The following NEGR1 variants were observed in gnomAD, a reference collection of about 807,000 sequenced individuals.
NEGR1 encodes the protein IgLON family member 4.
Under a neutral mutation model 40.9 loss-of-function variants are expected in NEGR1, and 10 were observed. That is an observed-to-expected ratio of 0.24 (90% CI 0.15 to 0.42). The LOEUF is 0.42. NEGR1 is among the 10% of genes least tolerant of loss of function. NEGR1 has a pLI of 1.00. For synonymous variants in NEGR1, 185 were observed against 166.8 expected, an observed-to-expected ratio of 1.11 and a Z score of -0.84; for missense variants, 352 against 438.9, an observed-to-expected ratio of 0.80 and a Z score of 1.77.
intron 2 of NEGR1, among the ~76,000 whole-genome samples, chr1:71,862,881 A>T (rs745550536): frequency 2.0e-5 from 3 of 152,196 alleles, no homozygotes; most frequent in Non-Finnish European, 4.4e-5. Flanking sequence ...AAAAATGCAT[A>T]TCAAAACCAC....
chr1:72,058,795 C>G (rs965492360), intron 1 of NEGR1, among the ~76,000 whole-genome samples: 3 of 151,622 alleles, frequency 2.0e-5, no homozygotes, highest in African/African-American at 7.3e-5. Context: ...CCTAATTCCT[C>G]CCCTTGAAAT....
intron 1 of NEGR1, among the ~76,000 whole-genome samples, chr1:72,236,582 T>C (rs1654555057): frequency 6.6e-6 from 1 of 152,038 alleles, no homozygotes; most frequent in African/African-American, 2.4e-5. Flanking sequence ...TGTAAATTAT[T>C]ATTTTTATCA....
chr1:71,450,554 C>T (rs1646619543), intron 6 of NEGR1, among the ~76,000 whole-genome samples: 2 of 151,922 alleles, frequency 1.3e-5, no homozygotes, highest in African/African-American at 4.8e-5. Flanking sequence ...TGCCTGTAAT[C>T]CCAGCACTTT....
At position 71,772,276 on chromosome 1, in the gene NEGR1, C is replaced by T. The variant is rs60385351; in HGVS notation, c.535+3896G>A. ...AAAATTAGCTGGGTGTGGTGGCGCA[C>T]GCTTGCGATCCCAGCTAGTTGGGAG... On this transcript the variant is annotated intron_variant, in intron 3 of 6. Coordinates refer to ENST00000357731, the MANE Select transcript of NEGR1 (RefSeq NM_173808.3). Among the ~76,000 whole-genome samples, 527 of 152,084 alleles carry T rather than the reference C, an allele frequency of 3.5e-3. 3 individuals carry two copies. Among genetic ancestry groups the T allele is most frequent in the African/African-American group, 0.012 (507 of 41,494 alleles).
intron 1 of NEGR1, among the ~76,000 whole-genome samples, chr1:71,948,726 G>A (rs1646043241): frequency 6.6e-6 from 1 of 152,014 alleles, no homozygotes; most frequent in South Asian, 2.1e-4. Context: ...GCAGCATCTA[G>A]TGGACAGCTG....
chr1:71,662,893 A>G (rs1347078106), intron 4 of NEGR1, among the ~76,000 whole-genome samples: 1 of 151,950 alleles, frequency 6.6e-6, no homozygotes, highest in Non-Finnish European at 1.5e-5. Context: ...AAGTATTTAT[A>G]TCCAGTAATA....
chr1:71,591,949 C>A (rs774400192), intron 6 of NEGR1, among the ~76,000 whole-genome samples: 2 of 151,912 alleles, frequency 1.3e-5, no homozygotes, highest in Non-Finnish European at 2.9e-5. Flanking sequence ...ATAACAAGAT[C>A]GTAAGACAAA....
intron 6 of NEGR1, among the ~76,000 whole-genome samples, chr1:71,581,949 C>G (rs1426064934): frequency 6.6e-6 from 1 of 152,110 alleles, no homozygotes; most frequent in African/African-American, 2.4e-5. Flanking sequence ...AGCAATCCAT[C>G]TGCATCAGCC....
At chr1:72,237,871 G>A (rs1441827695) in intron 1 of NEGR1, among the ~76,000 whole-genome samples, 1 of 151,892 alleles carries the variant, frequency 6.6e-6, no homozygotes, top group Non-Finnish European at 1.5e-5. Context: ...TAATGCATAT[G>A]TACAATTGAG....
chr1:71,705,563 A>G (rs1653860410), intron 3 of NEGR1, among the ~76,000 whole-genome samples: 1 of 152,104 alleles, frequency 6.6e-6, no homozygotes, highest in African/African-American at 2.4e-5. Context: ...CCCAATTAAG[A>G]AACGGGCCAG....
At chr1:71,489,439 G>A (rs1053729036) in intron 6 of NEGR1, among the ~76,000 whole-genome samples, 6 of 151,722 alleles carry the variant, frequency 4.0e-5, no homozygotes, top group Admixed American at 2.0e-4. Context: ...AATAAATCCC[G>A]TTTTGTGTAA....
intron 1 of NEGR1, among the ~76,000 whole-genome samples, chr1:72,061,595 G>A (rs909876511): frequency 5.3e-5 from 8 of 151,776 alleles, no homozygotes; most frequent in African/African-American, 1.5e-4. Context: ...TGAAGACCAC[G>A]TAAATGATTG....
At chr1:71,488,581 C>A (rs140402437) in intron 6 of NEGR1, among the ~76,000 whole-genome samples, 124 of 151,824 alleles carry the variant, frequency 8.2e-4, no homozygotes, top group Non-Finnish European at 1.4e-3. Flanking sequence ...TAACTTTCTA[C>A]CCACATTGTC....
intron 5 of NEGR1, among the ~76,000 whole-genome samples, chr1:71,598,483 G>A (rs976424705): frequency 6.6e-6 from 1 of 152,226 alleles, no homozygotes; most frequent in Non-Finnish European, 1.5e-5. Flanking sequence ...GGCTTTTAGA[G>A]CAGCTGTGTC....
intron 6 of NEGR1, among the ~76,000 whole-genome samples, chr1:71,464,482 T>C (rs894377648): frequency 6.6e-6 from 1 of 152,080 alleles, no homozygotes; most frequent in Admixed American, 6.6e-5. Flanking sequence ...TTTATCCACA[T>C]GAATACCGTT....
rs551141518 is a variant in NEGR1, at chr1:71,943,683, G to C, written c.177-8372C>G. On this transcript the variant is annotated intron_variant, in intron 1 of 6. Transcript: ENST00000357731. ...AGAGATCTTGTACATTATGATTAAA[G>C]AAACTAACAAAGTCTGAATATCAAA... Among the ~76,000 whole-genome samples, 7 of 152,224 alleles carry C rather than the reference G, an allele frequency of 4.6e-5. No homozygotes were observed. In the East Asian group the frequency reaches 1.2e-3, roughly 25 times the overall value.
intron 2 of NEGR1, among the ~76,000 whole-genome samples, chr1:71,859,366 CT>C (rs1043715092): frequency 2.0e-5 from 3 of 152,020 alleles, no homozygotes; most frequent in Non-Finnish European, 4.4e-5. Context: ...ACAAAAGTTA[CT>C]TTTTGAATCA....
chr1:72,260,504 A>G (rs1225153869), intron 1 of NEGR1, among the ~76,000 whole-genome samples: 1 of 152,124 alleles, frequency 6.6e-6, no homozygotes, highest in African/African-American at 2.4e-5. Flanking sequence ...TCTATAAAAT[A>G]TGCACTATTG....
chr1:71,844,107 AG>A (rs1319124610), intron 2 of NEGR1, among the ~76,000 whole-genome samples: 3 of 152,182 alleles, frequency 2.0e-5, no homozygotes, highest in African/African-American at 7.2e-5. Context: ...TTAAGGGGAC[AG>A]GTTCTGTATT....
Sources: gnomAD v4.1 joint callset for allele counts (sites outside exome capture counted in the v4.1 genomes callset) on GRCh38, gnomAD v4.1.1 for gene constraint, MANE v1.5 for transcripts, NCBI Gene and HGNC (gene_info 2026-07-23, HGNC 2026-07-21) for gene names.